Variants in C5orf63 observed in about 807,000 individuals in gnomAD.
C5orf63 encodes the protein chromosome 5 open reading frame 63.
C5orf63 carries 18 observed loss-of-function variants against 13.3 expected under a neutral mutation model. The observed-to-expected ratio is 1.36, with a 90% CI of 0.94 to 2.01. C5orf63 has a LOEUF of 2.01. Ranked by LOEUF, C5orf63 falls within the 30% of genes most tolerant of loss-of-function variation. The probability of loss-of-function intolerance (pLI) is 0.00; values close to 1 mark genes in which losing one functional copy is unlikely to be tolerated. For missense variants in C5orf63, 118 were observed against 127.7 expected, an observed-to-expected ratio of 0.92 and a Z score of 0.36; for synonymous variants, 38 against 44.7, an observed-to-expected ratio of 0.85 and a Z score of 0.60.
downstream of C5orf63, among the ~76,000 whole-genome samples, chr5:127,048,945 G>A (rs952434470): frequency 6.6e-5 from 10 of 152,110 alleles, no homozygotes; most frequent in African/African-American, 2.4e-4. Context: ...GGGTCCTAGG[G>A]GCTACACAAT....
chr5:127,046,764 G>C (rs1406802271), downstream of C5orf63: 1 of 152,258 alleles, frequency 6.6e-6, no homozygotes, highest in African/African-American at 2.4e-5. Flanking sequence ...TTTCAGAATA[G>C]AGAAGCCTGA....
rs946968407 is a variant in C5orf63, at chr5:127,061,588, G to A, written c.-7-2586C>T. On this transcript the variant is annotated intron_variant, in intron 2 of 4. Transcript: ENST00000296662. Reference sequence around the variant, plus strand: ...CATAACATTCTGTGCTACTCTCAACGAAGTGTTAATCACTGGTACATACAT... The same window carrying A: ...CATAACATTCTGTGCTACTCTCAACAAAGTGTTAATCACTGGTACATACAT... Among the ~76,000 whole-genome samples, 14 of 152,190 alleles carry A rather than the reference G, an allele frequency of 9.2e-5. No homozygotes were observed. In the East Asian group the frequency reaches 9.6e-4, roughly 10 times the overall value.
At chr5:127,050,937 A>G (rs991651197), downstream of C5orf63, among the ~76,000 whole-genome samples, 2 of 152,230 alleles carry the variant, frequency 1.3e-5, no homozygotes, top group African/African-American at 4.8e-5. Context: ...ACGCAAATAC[A>G]TTTCTAACAC....
intron 2 of C5orf63, among the ~76,000 whole-genome samples, chr5:127,060,296 A>C (rs961642313): frequency 5.3e-5 from 8 of 152,156 alleles, no homozygotes; most frequent in African/African-American, 1.4e-4. Context: ...CCTCATACAC[A>C]AATGTACTTG....
chr5:127,057,268 A>G (rs1274054248), intron 3 of C5orf63, among the ~76,000 whole-genome samples: 1 of 152,188 alleles, frequency 6.6e-6, no homozygotes, highest in Non-Finnish European at 1.5e-5. Flanking sequence ...TTGTTATTAA[A>G]TAACTGTCAT....
chr5:127,061,670 C>T (rs1393002230), intron 2 of C5orf63, among the ~76,000 whole-genome samples: 2 of 152,122 alleles, frequency 1.3e-5, no homozygotes, highest in African/African-American at 2.4e-5. Context: ...TAGTTAGAGA[C>T]ATACCTTCTA....
downstream of C5orf63, among the ~76,000 whole-genome samples, chr5:127,048,931 A>G (rs1205552276): frequency 6.6e-6 from 1 of 152,126 alleles, no homozygotes; most frequent in East Asian, 1.9e-4. Flanking sequence ...AGAATCAGCA[A>G]CCTGGGTCCT....
rs541039963 is a variant in C5orf63 at position 127,051,939 on chromosome 5, T to C, written c.180A>G (p.Leu60=). Residue 60 remains leucine (L), a synonymous_variant, in exon 5 of 5, where the codon TTA becomes TTG. Coordinates refer to ENST00000296662, the MANE Select transcript of C5orf63 (RefSeq NM_001164478.2). ...VLKPYENRFI[L]QEVNITLPEN... ...CTGGAAGTGTGATGTTCACCTCCTGTAAAATGAACTGAAACAGAGACAGAC... is the reference window on the plus strand; with the variant it reads ...CTGGAAGTGTGATGTTCACCTCCTGCAAAATGAACTGAAACAGAGACAGAC... The C allele has an allele frequency of 3.4e-4, 514 of 1,503,598 alleles. 1 individual carries two copies. The African/African-American group carries it at 6.6e-3, about 19-fold the overall frequency. 93.1% of individuals were successfully genotyped at this position (1,503,598 alleles called of 1,614,324 possible).
chr5:127,054,715 T>G (rs1296858473), intron 3 of C5orf63, among the ~76,000 whole-genome samples: 2 of 152,246 alleles, frequency 1.3e-5, no homozygotes, highest in African/African-American at 4.8e-5. Flanking sequence ...TAGTTTCTTT[T>G]GCTGTGCAGA....
chr5:127,047,540 G>C, downstream of C5orf63: 1 of 577,918 alleles, frequency 1.7e-6, no homozygotes, highest in Non-Finnish European at 3.1e-6. Flanking sequence ...GAATTGATGA[G>C]TAAGTTTATT....
At chr5:127,052,920 T>C (rs577454814) in intron 3 of C5orf63, among the ~76,000 whole-genome samples, 3 of 152,340 alleles carry the variant, frequency 2.0e-5, no homozygotes, top group African/African-American at 7.2e-5. Flanking sequence ...AATCAAGCCA[T>C]CTATCTATGT....
At chr5:127,043,340 G>A (rs933490378), downstream of C5orf63, 2 of 152,138 alleles carry the variant, frequency 1.3e-5, no homozygotes, top group Non-Finnish European at 2.9e-5. Flanking sequence ...GTGCTGTTAG[G>A]TGTCAACTCA....
chr5:127,063,917 G>A (rs1332678972), intron 2 of C5orf63, among the ~76,000 whole-genome samples: 1 of 152,086 alleles, frequency 6.6e-6, no homozygotes, highest in African/African-American at 2.4e-5. Context: ...CACCTCTTCT[G>A]GGAACAAAAC....
At position 127,058,878 on chromosome 5, in the gene C5orf63, G is replaced by T; in HGVS notation, c.114+4C>A. 6.6e-7 allele frequency: 1 copy of T among 1,515,698 alleles called. No homozygotes were observed. Among genetic ancestry groups the T allele is most frequent in the East Asian group, 2.5e-5 (1 of 40,618 alleles). 93.9% of individuals were successfully genotyped at this position (1,515,698 alleles called of 1,614,324 possible). The stretch of plus-strand genomic sequence containing the variant: ...CCCAACAATTTTACTTTTTCACTTT[G>T]TACCTTTGTGAATAAGGTCAACACA... On this transcript the variant is annotated splice_donor_region_variant and intron_variant, in intron 3 of 4. Transcript: ENST00000296662.
downstream of C5orf63, among the ~76,000 whole-genome samples, chr5:127,050,212 C>T (rs139604837): frequency 1.6e-3 from 243 of 152,270 alleles, 3 homozygotes; most frequent in South Asian, 7.9e-3. Flanking sequence ...GGGAATTATC[C>T]AAGAGTGGGG....
intron 2 of C5orf63, among the ~76,000 whole-genome samples, chr5:127,060,207 G>A (rs750008603): frequency 6.6e-6 from 1 of 151,988 alleles, no homozygotes; most frequent in Non-Finnish European, 1.5e-5. Context: ...GAATCAGGCT[G>A]AATTACCTTG....
At chr5:127,048,534 T>G (rs1307688166), downstream of C5orf63, among the ~76,000 whole-genome samples, 2 of 152,090 alleles carry the variant, frequency 1.3e-5, no homozygotes, top group Middle Eastern at 3.2e-3. Flanking sequence ...GGACATCTTA[T>G]TTTTAAAAAA....
downstream of C5orf63, chr5:127,047,443 T>C (rs1753543328): frequency 2.3e-6 from 1 of 440,878 alleles, no homozygotes; most frequent in Non-Finnish European, 4.0e-6. Context: ...GGTATCTACC[T>C]TTCATTTTGC....
At chr5:127,064,589 C>T (rs192940611) in intron 2 of C5orf63, among the ~76,000 whole-genome samples, 7 of 152,288 alleles carry the variant, frequency 4.6e-5, no homozygotes, top group East Asian at 1.9e-4. Flanking sequence ...GGGACTGAGA[C>T]GCAGCTCCTC....
Sources: allele counts gnomAD v4.1 joint callset (sites outside exome capture counted in the v4.1 genomes callset), GRCh38; gene constraint gnomAD v4.1.1; transcripts MANE v1.5; gene names NCBI Gene and HGNC (gene_info 2026-07-23, HGNC 2026-07-21).